Variants in PTBP3 observed in about 807,000 individuals in gnomAD.
PTBP3 encodes polypyrimidine tract binding protein 3, also known as polypyrimidine tract-binding protein 3.
A neutral mutation model predicts 58.7 loss-of-function variants in PTBP3; 20 were observed. The observed-to-expected ratio is 0.34, with a 90% CI of 0.24 to 0.50. PTBP3 has a LOEUF of 0.50. Among genes scored for constraint, PTBP3 ranks in the 20% least tolerant of loss-of-function variants. PTBP3 has a pLI of 0.98. For missense variants in PTBP3, 509 were observed against 637.2 expected, an observed-to-expected ratio of 0.80 and a Z score of 2.17; for synonymous variants, 185 against 219.8, an observed-to-expected ratio of 0.84 and a Z score of 1.40.
At chr9:112,229,679 G>A (rs1589797503) in intron 10 of PTBP3, among the ~76,000 whole-genome samples, 1 of 151,864 alleles carries the variant, frequency 6.6e-6, no homozygotes, top group Non-Finnish European at 1.5e-5. Flanking sequence ...GAAATAACAC[G>A]ATGGTGATGT....
the PTBP3 span, among the ~76,000 whole-genome samples, chr9:112,370,037 G>A: frequency 6.6e-6 from 1 of 152,196 alleles, no homozygotes; most frequent in Admixed American, 6.5e-5. Flanking sequence ...CCATGATTGA[G>A]AGGCCTCCCT....
chr9:112,342,780 A>G, the PTBP3 span, among the ~76,000 whole-genome samples: 1 of 143,052 alleles, frequency 7.0e-6, no homozygotes, highest in Non-Finnish European at 1.5e-5. Context: ...ACGTGTAGGC[A>G]TGGGCTGATA....
At chr9:112,315,379 G>T (rs1431151066) in intron 1 of PTBP3, among the ~76,000 whole-genome samples, 1 of 151,308 alleles carries the variant, frequency 6.6e-6, no homozygotes, top group Non-Finnish European at 1.5e-5. Context: ...AAAATCATGG[G>T]CCAAAAGAGA....
the PTBP3 span, among the ~76,000 whole-genome samples, chr9:112,369,472 T>A: frequency 1.3e-5 from 2 of 152,222 alleles, no homozygotes; most frequent in African/African-American, 2.4e-5. Flanking sequence ...AAGATTTGAC[T>A]ATCCCTCTGG....
At chr9:112,292,063 T>C (rs1453917445) in intron 2 of PTBP3, among the ~76,000 whole-genome samples, 2 of 152,126 alleles carry the variant, frequency 1.3e-5, no homozygotes, top group Admixed American at 1.3e-4. Context: ...CTGGGGACAG[T>C]GCTTATTAGA....
rs760669375 is a variant in PTBP3 at position 112,232,130 on chromosome 9, G to C, written c.989C>G (p.Ser330Cys). ...ATTGAGATTTGTGACGAGTAGAACA[G>C]AATTTCCTGGTATACCACTAGCCCC... is the stretch of plus-strand genomic sequence containing the variant. Reference protein sequence around the residue: ...IPGASGIPGNSVLLVTNLNPD... With the variant: ...IPGASGIPGNCVLLVTNLNPD... Residue 330 changes from serine (S) to cysteine (C), a missense_variant, in exon 9 of 14, where the codon TCT (serine) becomes TGT (cysteine). Ser to Cys is a moderately radical substitution (Grantham distance 112, BLOSUM62 -1). Transcript: ENST00000374257. The C allele has an allele frequency of 3.7e-6, 6 of 1,612,862 alleles. No homozygotes were observed. Among genetic ancestry groups the C allele is most frequent in the Non-Finnish European group, 5.1e-6 (6 of 1,179,644 alleles).
At chr9:112,313,911 C>G (rs1356906297) in intron 1 of PTBP3, among the ~76,000 whole-genome samples, 1 of 152,150 alleles carries the variant, frequency 6.6e-6, no homozygotes, top group Non-Finnish European at 1.5e-5. Flanking sequence ...GATGAACCAA[C>G]TGACGACGGA....
intron 3 of PTBP3, among the ~76,000 whole-genome samples, chr9:112,274,199 CA>C (rs1476882888): frequency 3.3e-5 from 5 of 152,114 alleles, no homozygotes; most frequent in Non-Finnish European, 7.3e-5. Context: ...TTAGTAACCT[CA>C]TGTGAATTTA....
chr9:112,236,350 C>CCTT (rs1248009357), intron 7 of PTBP3, among the ~76,000 whole-genome samples: 1 of 152,046 alleles, frequency 6.6e-6, no homozygotes, highest in Non-Finnish European at 1.5e-5. Flanking sequence ...ATATCATGAG[C>CCTT]TAAGCATTCT....
intron 1 of PTBP3, among the ~76,000 whole-genome samples, chr9:112,324,305 G>A (rs1830067706): frequency 6.6e-6 from 1 of 152,094 alleles, no homozygotes; most frequent in South Asian, 2.1e-4. Flanking sequence ...AAATGTATAT[G>A]CTACAATGTA....
intron 2 of PTBP3, among the ~76,000 whole-genome samples, chr9:112,290,687 A>AAAATAT (rs1554799394): frequency 1.2e-5 from 1 of 85,010 alleles, no homozygotes; most frequent in Non-Finnish European, 2.2e-5. Flanking sequence ...AAAAAAAAAA[A>AAAATAT]ATATATATAT....
Position 112,222,102 on chromosome 9 carries a change from A to C in PTBP3, c.*1749T>G. ...ACAGGCGCACACCACCATGCCCAGCAAGATATTCTTTATTCTTTTAAAAGT... is the reference window on the plus strand; with the variant it reads ...ACAGGCGCACACCACCATGCCCAGCCAGATATTCTTTATTCTTTTAAAAGT... On this transcript the variant is annotated 3_prime_UTR_variant, in exon 14 of 14. Transcript: ENST00000374257. The C allele has an allele frequency of 3.0e-6, 3 of 985,332 alleles. No individual in the cohort carries two copies. The highest frequency in any genetic ancestry group is 3.6e-6 in the Non-Finnish European group (3 of 829,424). The allele number at this position is 985,332 out of a possible 1,614,324, so 61.0% of individuals were successfully genotyped here.
At chr9:112,270,746 A>C (rs1827348138) in intron 3 of PTBP3, among the ~76,000 whole-genome samples, 1 of 152,044 alleles carries the variant, frequency 6.6e-6, no homozygotes, top group Middle Eastern at 3.2e-3. Flanking sequence ...CATATTACCC[A>C]CCACTACCAC....
the PTBP3 span, among the ~76,000 whole-genome samples, chr9:112,375,601 T>A: frequency 3.9e-5 from 6 of 152,318 alleles, no homozygotes; most frequent in Admixed American, 1.3e-4. Context: ...TGGTGCAGGC[T>A]AGGGCAAAGA....
intron 7 of PTBP3, among the ~76,000 whole-genome samples, chr9:112,242,101 C>T (rs1185929899): frequency 2.0e-5 from 3 of 152,020 alleles, no homozygotes; most frequent in Non-Finnish European, 4.4e-5. Context: ...TAATTAACAC[C>T]TAATATTAAA....
the PTBP3 span, among the ~76,000 whole-genome samples, chr9:112,347,311 A>T: frequency 6.6e-6 from 1 of 151,048 alleles, no homozygotes; most frequent in Non-Finnish European, 1.5e-5. Flanking sequence ...AAAACAAAAT[A>T]TTGAATTAAA....
chr9:112,302,531 A>G (rs1828982345), intron 1 of PTBP3, among the ~76,000 whole-genome samples: 2 of 148,594 alleles, frequency 1.3e-5, no homozygotes, highest in South Asian at 2.2e-4. Context: ...AACTGTTAAC[A>G]CAGGCCCCAG....
intron 2 of PTBP3, among the ~76,000 whole-genome samples, chr9:112,297,312 T>G (rs1364844433): frequency 1.3e-5 from 2 of 152,134 alleles, no homozygotes; most frequent in African/African-American, 4.8e-5. Flanking sequence ...CAAGCAATTC[T>G]CCCTGCCTCA....
intron 2 of PTBP3, among the ~76,000 whole-genome samples, chr9:112,295,632 T>C (rs1362072632): frequency 7.0e-6 from 1 of 143,018 alleles, no homozygotes; most frequent in African/African-American, 2.7e-5. Flanking sequence ...AAGAATAGCA[T>C]TGGGGTACAC....
Sources: allele counts gnomAD v4.1 joint callset (sites outside exome capture counted in the v4.1 genomes callset), GRCh38; gene constraint gnomAD v4.1.1; transcripts MANE v1.5; gene names NCBI Gene and HGNC (gene_info 2026-07-23, HGNC 2026-07-21).